EPHA5: variants seen among roughly 807,000 people sequenced by gnomAD.
EPHA5 encodes the protein ephrin type-A receptor 5.
In EPHA5, 60 loss-of-function variants were observed where a neutral mutation model predicts 105.0. That is an observed-to-expected ratio of 0.57 (90% CI 0.46 to 0.71). The LOEUF is 0.71. EPHA5 is among the 30% of genes least tolerant of loss of function. The pLI is 0.00. For missense variants in EPHA5, 1,218 were observed against 1,274.7 expected (o/e 0.96, Z 0.68); for synonymous variants, 513 against 449.1 (o/e 1.14, Z -1.80).
chr4:65,618,764 T>C (rs1343402268), intron 2 of EPHA5, among the ~76,000 whole-genome samples: 2 of 152,194 alleles, frequency 1.3e-5, no homozygotes, highest in Non-Finnish European at 2.9e-5. Flanking sequence ...AAGTTCCCAT[T>C]GGAGACATTC....
intron 5 of EPHA5, among the ~76,000 whole-genome samples, chr4:65,472,492 C>T (rs1172386138): frequency 6.6e-6 from 1 of 152,230 alleles, no homozygotes; most frequent in African/African-American, 2.4e-5. Context: ...AGACTTCTGC[C>T]TGGATATCTA....
intron 3 of EPHA5, among the ~76,000 whole-genome samples, chr4:65,570,433 G>T (rs940582938): frequency 2.7e-5 from 4 of 147,030 alleles, no homozygotes; most frequent in African/African-American, 5.0e-5. Context: ...GATGGCCTTG[G>T]TTTTTTTTTT....
intron 2 of EPHA5, among the ~76,000 whole-genome samples, chr4:65,617,697 G>T (rs1203631753): frequency 1.3e-5 from 2 of 152,090 alleles, no homozygotes; most frequent in Non-Finnish European, 2.9e-5. Context: ...AAGAAAGAAG[G>T]AAAGTTAAAC....
chr4:65,410,802 T>C (rs1300877289), intron 7 of EPHA5, among the ~76,000 whole-genome samples: 6 of 152,168 alleles, frequency 3.9e-5, no homozygotes, highest in Non-Finnish European at 7.4e-5. Flanking sequence ...TATTTCCTCA[T>C]TCAGACTACA....
rs182799012 is a variant in EPHA5, at chr4:65,506,252, T to A, written c.911-10709A>T. ...ATTTTCTTAATCCAGTCTATCATTG[T>A]TGGACATTTGGGTTGGTTCCCAGTC... On this transcript the variant is annotated intron_variant, in intron 3 of 16. Coordinates refer to ENST00000613740, the MANE Select transcript of EPHA5 (RefSeq NM_001281766.3). Among the ~76,000 whole-genome samples the A allele has an allele frequency of 6.6e-5, 10 of 152,134 alleles. No individual in the cohort carries two copies. The East Asian group carries it at 1.9e-3, about 29-fold the overall frequency.
Position 65,420,435 on chromosome 4 carries a change from T to A in EPHA5, c.1527+6A>T, listed in dbSNP as rs1723835013. On this transcript the variant is annotated splice_donor_region_variant and intron_variant, in intron 6 of 16. Coordinates refer to ENST00000613740, the MANE Select transcript of EPHA5 (RefSeq NM_001281766.3). ...GTGAGGACATTTTTTATTCTGTTAG[T>A]CTTACCTTTTCAAAATACTTGATTT... 6.3e-7 allele frequency: 1 copy of A among 1,577,346 alleles called. No homozygotes were observed. The highest frequency in any genetic ancestry group is 1.4e-5 in the African/African-American group (1 of 72,632).
At chr4:65,357,192 A>G (rs1723382010) in intron 11 of EPHA5, among the ~76,000 whole-genome samples, 1 of 151,470 alleles carries the variant, frequency 6.6e-6, no homozygotes, top group Non-Finnish European at 1.5e-5. Flanking sequence ...ATGGATTTAT[A>G]TTATAATTCT....
At chr4:65,354,753 A>G (rs1723138482) in intron 11 of EPHA5, among the ~76,000 whole-genome samples, 2 of 151,716 alleles carry the variant, frequency 1.3e-5, no homozygotes, top group Admixed American at 1.3e-4. Flanking sequence ...CATATGATTA[A>G]TACATATGAA....
intron 8 of EPHA5, among the ~76,000 whole-genome samples, chr4:65,401,582 C>A (rs17086181): frequency 2.0e-5 from 3 of 151,844 alleles, no homozygotes; most frequent in African/African-American, 7.2e-5. Context: ...TCGTTTTTGG[C>A]GAAATGTGCT....
chr4:65,554,791 G>A (rs1160635500), intron 3 of EPHA5, among the ~76,000 whole-genome samples: 1 of 151,416 alleles, frequency 6.6e-6, no homozygotes, highest in Non-Finnish European at 1.5e-5. Flanking sequence ...TATTTAGTGA[G>A]AATTTATCCT....
At chr4:65,486,011 G>A (rs1302300056) in intron 5 of EPHA5, among the ~76,000 whole-genome samples, 5 of 151,970 alleles carry the variant, frequency 3.3e-5, no homozygotes, top group Non-Finnish European at 5.9e-5. Context: ...AAATAATCAG[G>A]AAACATTAAC....
intron 3 of EPHA5, among the ~76,000 whole-genome samples, chr4:65,523,025 A>G (rs1734907136): frequency 6.6e-6 from 1 of 151,920 alleles, no homozygotes; most frequent in Non-Finnish European, 1.5e-5. Context: ...GGCTGCTAAT[A>G]TAGGATCAGT....
At chr4:65,627,635 A>G (rs1005040340) in intron 2 of EPHA5, among the ~76,000 whole-genome samples, 2 of 152,182 alleles carry the variant, frequency 1.3e-5, no homozygotes, top group Non-Finnish European at 2.9e-5. Flanking sequence ...AAGATATCTC[A>G]TGATAGCATT....
intron 3 of EPHA5, chr4:65,574,237 C>G: frequency 6.2e-7 from 1 of 1,600,508 alleles, no homozygotes; most frequent in East Asian, 2.2e-5. Flanking sequence ...CAAATTTTAT[C>G]AAAAATCAAA....
At chr4:65,550,382 T>A (rs888116195) in intron 3 of EPHA5, among the ~76,000 whole-genome samples, 1 of 152,110 alleles carries the variant, frequency 6.6e-6, no homozygotes, top group Non-Finnish European at 1.5e-5. Context: ...AAATGAATAT[T>A]TTATTTGATG....
At chr4:65,386,756 G>C (rs1217350990) in intron 8 of EPHA5, among the ~76,000 whole-genome samples, 4 of 151,802 alleles carry the variant, frequency 2.6e-5, no homozygotes, top group Non-Finnish European at 5.9e-5. Context: ...CTGTACAAAA[G>C]ACATCTTAAA....
intron 2 of EPHA5, among the ~76,000 whole-genome samples, chr4:65,638,513 G>A (rs1560806190): frequency 6.6e-6 from 1 of 152,108 alleles, no homozygotes; most frequent in African/African-American, 2.4e-5. Context: ...CGAGGCAGGC[G>A]TATCACCTGA....
At chr4:65,434,070 T>A (rs532296904) in intron 5 of EPHA5, among the ~76,000 whole-genome samples, 13 of 150,866 alleles carry the variant, frequency 8.6e-5, no homozygotes, top group Middle Eastern at 3.4e-3. Context: ...AATAAAAAAA[T>A]TAAAAAATAG....
At chr4:65,584,183 C>G (rs1360520553) in intron 3 of EPHA5, among the ~76,000 whole-genome samples, 12 of 151,540 alleles carry the variant, frequency 7.9e-5, no homozygotes, top group African/African-American at 2.9e-4. Context: ...ATAAACAAAA[C>G]CTGTAATGAA....
Sources: allele counts gnomAD v4.1 joint callset (sites outside exome capture counted in the v4.1 genomes callset), GRCh38; gene constraint gnomAD v4.1.1; transcripts MANE v1.5; gene names NCBI Gene and HGNC (gene_info 2026-07-23, HGNC 2026-07-21).